Variants in TFDP1 observed in about 807,000 individuals in gnomAD.
TFDP1 encodes DRTF1-polypeptide 1.
In TFDP1, 6 loss-of-function variants were observed where a neutral mutation model predicts 48.0. The observed-to-expected ratio is 0.13, with a 90% CI of 0.07 to 0.25. TFDP1 has a LOEUF of 0.25. Ranked by LOEUF, TFDP1 falls within the 10% of genes least tolerant of loss-of-function variation. The pLI is 1.00. For synonymous variants in TFDP1, 201 were observed against 211.6 expected, an observed-to-expected ratio of 0.95 and a Z score of 0.44; for missense variants, 335 against 543.0, an observed-to-expected ratio of 0.62 and a Z score of 3.81.
chr13:113,609,412 C>T (rs1477939070), intron 2 of TFDP1, among the ~76,000 whole-genome samples: 1 of 152,200 alleles, frequency 6.6e-6, no homozygotes, highest in Non-Finnish European at 1.5e-5. Flanking sequence ...GCAGTTGGAC[C>T]CGGTTGGAAC....
rs373266828 is a variant in TFDP1, at chr13:113,637,955, G to A, written c.1085+59G>A. The A allele has an allele frequency of 5.3e-4, 839 of 1,586,752 alleles. 3 individuals are homozygous for A. In the African/African-American group the frequency reaches 0.01, roughly 19 times the overall value. ...TCTGGGCCTCCCCCGGGGTCCAGGG[G>A]CCAAGGCAGGGCAGCCGTCTCAGGT... On this transcript the variant is annotated intron_variant, in intron 11 of 11. Transcript: ENST00000375370.
At chr13:113,603,532 GTCA>G (rs2048492358) in intron 2 of TFDP1, among the ~76,000 whole-genome samples, 1 of 152,244 alleles carries the variant, frequency 6.6e-6, no homozygotes, top group African/African-American at 2.4e-5. Flanking sequence ...CACTGGTGAT[GTCA>G]TCTTTTATAG....
intron 2 of TFDP1, among the ~76,000 whole-genome samples, chr13:113,602,318 A>G (rs1168744673): frequency 1.3e-5 from 2 of 151,654 alleles, no homozygotes; most frequent in African/African-American, 4.9e-5. Flanking sequence ...GAGTTGAGGG[A>G]GGAGTGGATG....
At chr13:113,617,204 G>C (rs2048879816) in intron 3 of TFDP1, among the ~76,000 whole-genome samples, 1 of 152,202 alleles carries the variant, frequency 6.6e-6, no homozygotes. Context: ...AGAGTAGATA[G>C]CTTTTGTGTG....
In TFDP1 at chr13:113,633,087, A is replaced by G. The variant is rs1287738524; in HGVS notation, c.309-33A>G. 6.2e-7 allele frequency: 1 copy of G among 1,613,056 alleles called. No homozygotes were observed. The highest frequency in any genetic ancestry group is 2.2e-5 in the East Asian group (1 of 44,874). The stretch of plus-strand genomic sequence containing the variant: ...TTCAGGCTGATCCTCAGGAGGGCTG[A>G]CAGTCGCTTCTCTTTTCCTTTGTAT... On this transcript the variant is annotated intron_variant, in intron 5 of 11. Transcript: ENST00000375370. This position sits in a 1 kb window ranked among gnomAD's most constrained non-coding sequence, Gnocchi z 4.5.
Position 113,607,216 on chromosome 13 carries a change from A to T in TFDP1, c.13-3780A>T, listed in dbSNP as rs1345660228. Among the ~76,000 whole-genome samples the T allele has an allele frequency of 1.4e-4, 22 of 152,208 alleles. No individual in the cohort carries two copies. The highest frequency in any genetic ancestry group is 1.6e-4 in the Non-Finnish European group (11 of 68,030). On this transcript the variant is annotated intron_variant, in intron 2 of 11. Transcript: ENST00000375370. This position sits in a 1 kb window ranked among gnomAD's most constrained non-coding sequence, Gnocchi z 5.2. ...ACTGTTGCTGCGGCTGAGACAGCGC[A>T]GGGCGTCATTCATCCCCCTGCCTCC...
intron 3 of TFDP1, among the ~76,000 whole-genome samples, chr13:113,613,469 T>C (rs1440069346): frequency 6.6e-6 from 1 of 152,250 alleles, no homozygotes; most frequent in Non-Finnish European, 1.5e-5. Context: ...CAGAGAATTC[T>C]GTTTAACAAA....
At chr13:113,636,259 T>C (rs930549816) in intron 9 of TFDP1, 131 bp downstream of exon 9, 14 of 1,320,798 alleles carry the variant, frequency 1.1e-5, no homozygotes, top group South Asian at 4.2e-5. Context: ...TTGCTGTCCA[T>C]TGGGGGGTGG....
intron 3 of TFDP1, among the ~76,000 whole-genome samples, chr13:113,615,658 C>A (rs1418475556): frequency 6.6e-6 from 1 of 152,182 alleles, no homozygotes; most frequent in African/African-American, 2.4e-5. Flanking sequence ...AATCCCGGTG[C>A]TTTGGGAGAC....
intron 2 of TFDP1, among the ~76,000 whole-genome samples, chr13:113,609,454 C>T (rs746457509): frequency 9.9e-5 from 15 of 151,944 alleles, no homozygotes; most frequent in Non-Finnish European, 2.2e-4. Flanking sequence ...TTTTTAGCGT[C>T]CTAGGATGTG....
chr13:113,594,030 A>T, intron 2 of TFDP1, among the ~76,000 whole-genome samples: 1 of 115,824 alleles, frequency 8.6e-6, no homozygotes, highest in Non-Finnish European at 1.7e-5. Flanking sequence ...TGCTGTGTGC[A>T]GGTCCTCACC....
intron 2 of TFDP1, among the ~76,000 whole-genome samples, chr13:113,606,345 A>G (rs1269348857): frequency 6.6e-6 from 1 of 152,176 alleles, no homozygotes. Flanking sequence ...CACCGCTCAC[A>G]GCTCGGGAGC....
chr13:113,602,528 C>G (rs1331781007), intron 2 of TFDP1, among the ~76,000 whole-genome samples: 1 of 152,194 alleles, frequency 6.6e-6, no homozygotes, highest in Non-Finnish European at 1.5e-5. Flanking sequence ...ATGTGCAGTG[C>G]AAGTGTTTTC....
intron 2 of TFDP1, among the ~76,000 whole-genome samples, chr13:113,604,054 T>C (rs1361688608): frequency 6.6e-6 from 1 of 151,322 alleles, no homozygotes; most frequent in Admixed American, 6.6e-5. Context: ...CCAGCTACTT[T>C]GGAGGCTGAG....
At chr13:113,584,724 G>C (rs1223358161), upstream of TFDP1, 2 of 147,156 alleles carry the variant, frequency 1.4e-5, no homozygotes, top group Non-Finnish European at 3.0e-5. Flanking sequence ...CCCGACGCTC[G>C]GCCAGGGTGA....
chr13:113,618,274 C>A (rs2048911980), intron 3 of TFDP1, among the ~76,000 whole-genome samples: 1 of 152,190 alleles, frequency 6.6e-6, no homozygotes, highest in Non-Finnish European at 1.5e-5. Flanking sequence ...GTAGTCCCAG[C>A]ACTTTGAGAG....
At chr13:113,600,740 C>T (rs1374130690) in intron 2 of TFDP1, among the ~76,000 whole-genome samples, 4 of 147,194 alleles carry the variant, frequency 2.7e-5, no homozygotes, top group Non-Finnish European at 4.5e-5. Context: ...AGAGAGAACC[C>T]TCACGTAGGG....
chr13:113,611,545 G>A (rs2048708476), intron 3 of TFDP1, among the ~76,000 whole-genome samples: 1 of 152,354 alleles, frequency 6.6e-6, no homozygotes, highest in African/African-American at 2.4e-5. Flanking sequence ...TTGTCTTGGG[G>A]AATCCAGGGG....
intron 8 of TFDP1, 33 bp downstream of exon 8, chr13:113,634,635 A>G (rs2049425758): frequency 6.4e-7 from 1 of 1,550,522 alleles, no homozygotes; most frequent in Non-Finnish European, 8.8e-7. Flanking sequence ...AGGCAGGGTA[A>G]TTTTTATTTT....
Sources: gnomAD v4.1 joint callset for allele counts (sites outside exome capture counted in the v4.1 genomes callset) on GRCh38, gnomAD v4.1.1 for gene constraint, Gnocchi (gnomAD v3.1) non-coding constraint, MANE v1.5 for transcripts, NCBI Gene and HGNC (gene_info 2026-07-23, HGNC 2026-07-21) for gene names.